RASGEF1A: variants seen among roughly 807,000 people sequenced by gnomAD.
RASGEF1A encodes the protein RasGEF domain family member 1A, also known as ras-GEF domain-containing family member 1A.
In RASGEF1A, 18 loss-of-function variants were observed where a neutral mutation model predicts 56.4. The ratio of observed to expected loss-of-function variants is 0.32; its 90% CI spans 0.22 to 0.47. The LOEUF (loss-of-function observed/expected upper bound fraction) is 0.47, where lower values mean the gene tolerates loss of function less well. Ranked by LOEUF, RASGEF1A falls within the 20% of genes least tolerant of loss-of-function variation. The pLI is 1.00. For missense variants in RASGEF1A, 422 were observed against 627.1 expected (o/e 0.67, Z 3.49); for synonymous variants, 245 against 242.6 (o/e 1.01, Z -0.09).
intron 2 of RASGEF1A, among the ~76,000 whole-genome samples, 154 bp downstream of exon 2, chr10:43,205,765 G>A (rs976720914): frequency 1.3e-5 from 2 of 152,294 alleles, no homozygotes; most frequent in Non-Finnish European, 1.5e-5. Flanking sequence ...AGGCAGAGAA[G>A]GCCCTAGAGG....
At chr10:43,212,866 C>A (rs183557786) in intron 1 of RASGEF1A, among the ~76,000 whole-genome samples, 168 of 152,144 alleles carry the variant, frequency 1.1e-3, no homozygotes, top group African/African-American at 3.6e-3. Flanking sequence ...ACAACACTCA[C>A]ACACACAGGT....
At chr10:43,226,960 G>A (rs892468130) in intron 1 of RASGEF1A, among the ~76,000 whole-genome samples, 1 of 152,222 alleles carries the variant, frequency 6.6e-6, no homozygotes, top group African/African-American at 2.4e-5. Flanking sequence ...CTTCAGGATT[G>A]GGGGTCTGTG....
intron 1 of RASGEF1A, among the ~76,000 whole-genome samples, chr10:43,261,145 G>A (rs556525171): frequency 6.6e-6 from 1 of 152,220 alleles, no homozygotes; most frequent in East Asian, 1.9e-4. Context: ...TGGCTGCCGT[G>A]GCCTTTCCAT....
chr10:43,200,515 C>A lies in RASGEF1A; in HGVS notation c.681+152G>T, dbSNP rs543021327. The A allele has an allele frequency of 1.8e-4, 134 of 733,994 alleles. No homozygotes were observed. The African/African-American group carries it at 2.1e-3, about 12-fold the overall frequency. The allele number at this position is 733,994 out of a possible 1,614,324, so 45.5% of individuals were successfully genotyped here. On this transcript the variant is annotated intron_variant, in intron 5 of 12. Transcript: ENST00000395810. The stretch of plus-strand genomic sequence containing the variant: ...CAGAGGTGCCCGCCACTCAGACGGA[C>A]ACACATCTGGCATGAAGTGTGGCAG...
At chr10:43,199,793 G>C in intron 6 of RASGEF1A, 25 bp from the exon 7 acceptor site, 2 of 1,593,328 alleles carry the variant, frequency 1.3e-6, no homozygotes, top group Non-Finnish European at 1.7e-6. Flanking sequence ...GCAGGTCATA[G>C]GGGGCCTGGA....
intron 1 of RASGEF1A, chr10:43,208,447 C>T (rs1840025807): frequency 1.0e-6 from 1 of 985,632 alleles, no homozygotes; most frequent in Non-Finnish European, 1.2e-6. Context: ...GGGACCCAGC[C>T]CACTGGTCAG....
intron 1 of RASGEF1A, among the ~76,000 whole-genome samples, chr10:43,216,668 C>T (rs577058235): frequency 4.1e-4 from 63 of 152,162 alleles, no homozygotes; most frequent in Non-Finnish European, 6.9e-4. Context: ...GGCAGTGGGC[C>T]ACGTCACAGG....
chr10:43,254,435 G>T (rs1840664672), intron 1 of RASGEF1A, among the ~76,000 whole-genome samples: 1 of 152,212 alleles, frequency 6.6e-6, no homozygotes, highest in East Asian at 1.9e-4. Flanking sequence ...CCTTGGGCCT[G>T]GCCCAGACCT....
intron 1 of RASGEF1A, among the ~76,000 whole-genome samples, chr10:43,261,031 G>A (rs1159920042): frequency 1.3e-5 from 2 of 152,080 alleles, no homozygotes; most frequent in Admixed American, 6.5e-5. Context: ...GCACCCACCA[G>A]GCTTGGTGGG....
intron 1 of RASGEF1A, among the ~76,000 whole-genome samples, chr10:43,259,878 G>A (rs1312776191): frequency 1.3e-5 from 2 of 151,934 alleles, no homozygotes; most frequent in East Asian, 3.9e-4. Flanking sequence ...ACAAAGGCAG[G>A]AAGGGGGATG....
intron 1 of RASGEF1A, among the ~76,000 whole-genome samples, chr10:43,245,354 T>TA (rs1840556520): frequency 6.6e-6 from 1 of 152,136 alleles, no homozygotes; most frequent in Non-Finnish European, 1.5e-5. Context: ...GCCAAACACT[T>TA]AAAGAATTAA....
At chr10:43,225,427 G>A (rs1328326025) in intron 1 of RASGEF1A, among the ~76,000 whole-genome samples, 1 of 151,722 alleles carries the variant, frequency 6.6e-6, no homozygotes, top group African/African-American at 2.4e-5. Context: ...CTCTGTGTCT[G>A]TGTCTCTGTA....
chr10:43,233,252 A>G (rs1300950978), intron 1 of RASGEF1A, among the ~76,000 whole-genome samples: 2 of 152,040 alleles, frequency 1.3e-5, no homozygotes, highest in Non-Finnish European at 2.9e-5. Context: ...CTACATCCCA[A>G]TGACTGTAAC....
At chr10:43,220,619 A>G (rs1840194659) in intron 1 of RASGEF1A, among the ~76,000 whole-genome samples, 1 of 152,096 alleles carries the variant, frequency 6.6e-6, no homozygotes. Context: ...CCCCATCTCT[A>G]TTAAAAGTAC....
chr10:43,207,681 T>G (rs569349431), intron 1 of RASGEF1A: 174 of 985,286 alleles, frequency 1.8e-4, no homozygotes, highest in Non-Finnish European at 2.1e-4. Flanking sequence ...AATGCTCCCT[T>G]CAAACTCAGG....
chr10:43,229,741 A>G, intron 1 of RASGEF1A: 1 of 1,330,364 alleles, frequency 7.5e-7, no homozygotes, highest in Non-Finnish European at 9.6e-7. Flanking sequence ...GCAAGCACCC[A>G]CTCCTGCGCC....
chr10:43,204,889 TC>T (rs2133188541), intron 2 of RASGEF1A, among the ~76,000 whole-genome samples: 1 of 152,244 alleles, frequency 6.6e-6, no homozygotes, highest in African/African-American at 2.4e-5. Flanking sequence ...CTTGGGCCCC[TC>T]CCCTGGCTCT....
At chr10:43,235,026 G>A (rs1211179433) in intron 1 of RASGEF1A, among the ~76,000 whole-genome samples, 3 of 152,230 alleles carry the variant, frequency 2.0e-5, no homozygotes, top group Admixed American at 6.5e-5. Context: ...CTCCAGGGAA[G>A]GTTGTCTGGC....
Position 43,196,678 on chromosome 10 carries a change from G to A in RASGEF1A, c.1349-130C>T. On this transcript the variant is annotated intron_variant, in intron 11 of 12. Coordinates refer to ENST00000395810, the MANE Select transcript of RASGEF1A (RefSeq NM_145313.4). The surrounding 1 kb of genome is among the most constrained non-coding windows in gnomAD (Gnocchi z 4.6). ...CTGGCTGGGCTGAACACAGTTCTCT[G>A]CTGTGCGGGGCTCTCAGGCTGCCTG... 2 of 873,300 alleles carry A rather than the reference G, an allele frequency of 2.3e-6. No homozygotes were observed. The highest frequency in any genetic ancestry group is 2.6e-5 in the East Asian group (1 of 39,172). 54.1% of individuals were successfully genotyped at this position (873,300 alleles called of 1,614,324 possible).
Sources: gnomAD v4.1 joint callset for allele counts (sites outside exome capture counted in the v4.1 genomes callset) on GRCh38, gnomAD v4.1.1 for gene constraint, Gnocchi (gnomAD v3.1) non-coding constraint, MANE v1.5 for transcripts, NCBI Gene and HGNC (gene_info 2026-07-23, HGNC 2026-07-21) for gene names.